STEEP1: variants seen among roughly 807,000 people sequenced by gnomAD.
The protein encoded by STEEP1 is STING1 ER exit protein 1, also known as STING ER exit protein.
A neutral mutation model predicts 19.2 loss-of-function variants in STEEP1; 3 were observed. The observed-to-expected ratio is 0.16, with a 90% CI of 0.07 to 0.40. The LOEUF (loss-of-function observed/expected upper bound fraction) is 0.40. STEEP1 is among the 10% of genes least tolerant of loss of function. The pLI, the probability that STEEP1 is intolerant of heterozygous loss-of-function variation, is 0.99. For missense variants in STEEP1, 54 were observed against 177.1 expected (o/e 0.30, Z 3.94); for synonymous variants, 46 against 63.7 (o/e 0.72, Z 1.32).
chrX:119,539,556 C>A lies in STEEP1; in HGVS notation c.*171G>T, dbSNP rs757235656. On this transcript the variant is annotated 3_prime_UTR_variant, in exon 7 of 7. Transcript: ENST00000644802. ...AAAAAAAAAAAAAAAAAAAAGAAAGCAAGTTAAATGGACTCAGTTAAAGAC... is the reference window on the plus strand; with the variant it reads ...AAAAAAAAAAAAAAAAAAAAGAAAGAAAGTTAAATGGACTCAGTTAAAGAC... 1.3e-3 allele frequency: 461 copies of A among 345,401 alleles called. 2 individuals carry two copies. Among genetic ancestry groups the A allele is most frequent in the African/African-American group, 0.012 (411 of 35,675 alleles). The allele number at this position is 345,401 out of a possible 1,213,427, so 28.5% of individuals were successfully genotyped here. A position where few individuals can be genotyped will look rare whatever the true frequency, so the allele number is the denominator to read the frequency against.
At chrX:119,540,816 C>T (rs1399330564) in intron 6 of STEEP1, among the ~76,000 whole-genome samples, 3 of 111,951 alleles carry the variant, frequency 2.7e-5, no homozygotes, top group East Asian at 5.6e-4. Flanking sequence ...GAGCCCGAGG[C>T]GGGCAGATCA....
intron 2 of STEEP1, among the ~76,000 whole-genome samples, chrX:119,549,225 C>T (rs1187728716): frequency 8.9e-6 from 1 of 111,971 alleles, no homozygotes; most frequent in East Asian, 2.8e-4. Context: ...TCACTACCTA[C>T]ACACACAAAG....
At chrX:119,552,682 A>G (rs1057405788) in intron 2 of STEEP1, among the ~76,000 whole-genome samples, 1 of 112,098 alleles carries the variant, frequency 8.9e-6, no homozygotes, top group Non-Finnish European at 1.9e-5. Flanking sequence ...ATTGGACAAA[A>G]AGCACATTAT....
chrX:119,541,314 C>CA lies in STEEP1; in HGVS notation c.606+13_606+14insT. On this transcript the variant is annotated intron_variant, in intron 6 of 6. Transcript: ENST00000644802. ...TGATAGGGCCCCAGCACCTTGCTAC[C>CA]CCTTGCTACTCACCAGCTCTTGCAG... 1 of 1,060,000 alleles carries CA rather than the reference C, an allele frequency of 9.4e-7. No individual in the cohort carries two copies. The highest frequency in any genetic ancestry group is 1.3e-6 in the Non-Finnish European group (1 of 758,711). 87.4% of individuals were successfully genotyped at this position (1,060,000 alleles called of 1,213,427 possible). A position where few individuals can be genotyped will look rare whatever the true frequency, so the allele number is the denominator to read the frequency against.
intron 5 of STEEP1, among the ~76,000 whole-genome samples, 188 bp downstream of exon 5, chrX:119,542,317 C>T (rs1450485059): frequency 9.1e-6 from 1 of 110,256 alleles, no homozygotes; most frequent in African/African-American, 3.3e-5. Flanking sequence ...CCGCCCGTCT[C>T]GGTCTCCCAA....
At chrX:119,543,958 C>T (rs1238577433) in intron 4 of STEEP1, among the ~76,000 whole-genome samples, 1 of 111,847 alleles carries the variant, frequency 8.9e-6, no homozygotes. Flanking sequence ...AGAGAGAACA[C>T]ATAACAGGTG....
At chrX:119,551,945 A>T (rs923375854) in intron 2 of STEEP1, among the ~76,000 whole-genome samples, 8 of 105,426 alleles carry the variant, frequency 7.6e-5, no homozygotes, top group Non-Finnish European at 1.6e-4. Context: ...TCTGTGACCC[A>T]GATTGGAGTG....
intron 2 of STEEP1, among the ~76,000 whole-genome samples, chrX:119,557,078 C>T (rs2053283856): frequency 1.0e-5 from 1 of 99,299 alleles, no homozygotes; most frequent in African/African-American, 3.7e-5. Context: ...ATCACTTGAA[C>T]CCAGGAGGCA....
intron 2 of STEEP1, among the ~76,000 whole-genome samples, chrX:119,545,798 CAGG>C (rs1380189930): frequency 9.4e-6 from 1 of 106,880 alleles, no homozygotes; most frequent in African/African-American, 3.5e-5. Flanking sequence ...GAGGCTGAGG[CAGG>C]AGAATTGCTT....
intron 2 of STEEP1, among the ~76,000 whole-genome samples, chrX:119,558,743 A>G (rs2053300410): frequency 9.1e-6 from 1 of 109,818 alleles, no homozygotes; most frequent in South Asian, 3.8e-4. Context: ...ACTCTCTCCT[A>G]TTTTCTGCAT....
rs539844322 is a variant in STEEP1 at position 119,550,277 on chromosome X, C to G, written c.243-4773G>C. On this transcript the variant is annotated intron_variant, in intron 2 of 6. Coordinates refer to ENST00000644802, the MANE Select transcript of STEEP1 (RefSeq NM_022101.4). ...CAAAGCAATCTTGAAAAAACAAGAA[C>G]AAAGTTGGAGAACTCACACTTCCCA... is the stretch of plus-strand genomic sequence containing the variant. Among the ~76,000 whole-genome samples the G allele has an allele frequency of 5.4e-5, 6 of 111,756 alleles. No homozygotes were observed. The South Asian group carries it at 1.5e-3, about 28-fold the overall frequency.
At chrX:119,540,462 A>G (rs2053155386) in intron 6 of STEEP1, among the ~76,000 whole-genome samples, 1 of 111,687 alleles carries the variant, frequency 9.0e-6, no homozygotes, top group South Asian at 3.7e-4. Flanking sequence ...CTACAGACAC[A>G]AAGAGACTGG....
At chrX:119,547,937 C>T (rs1028742643) in intron 2 of STEEP1, among the ~76,000 whole-genome samples, 2 of 110,745 alleles carry the variant, frequency 1.8e-5, no homozygotes, top group Admixed American at 9.7e-5. Flanking sequence ...TTTGGGAGGC[C>T]GAGGCGGGCA....
chrX:119,551,780 T>G (rs765773056), intron 2 of STEEP1, among the ~76,000 whole-genome samples: 55 of 110,829 alleles, frequency 5.0e-4, no homozygotes, highest in African/African-American at 1.7e-3. Flanking sequence ...CAGCTAGGTG[T>G]CCTCCAATTC....
chrX:119,561,708 A>G (rs2053322143), intron 1 of STEEP1, among the ~76,000 whole-genome samples: 1 of 111,593 alleles, frequency 9.0e-6, no homozygotes, highest in African/African-American at 3.3e-5. Context: ...AAATTTATAT[A>G]ATGCAAATTA....
At chrX:119,562,283 GC>G (rs1424500583) in intron 1 of STEEP1, among the ~76,000 whole-genome samples, 1 of 111,599 alleles carries the variant, frequency 9.0e-6, no homozygotes, top group Non-Finnish European at 1.9e-5. Context: ...TGTAATCCCA[GC>G]ACTTTGGGAG....
At position 119,538,490 on chromosome X, in the gene STEEP1, G is replaced by A. The variant is rs962982181; in HGVS notation, c.*1237C>T. 9.9e-6 allele frequency: 1 copy of A among 101,100 alleles called. No individual in the cohort carries two copies. Among genetic ancestry groups the A allele is most frequent in the Non-Finnish European group, 2.0e-5 (1 of 50,179 alleles). 8.3% of individuals were successfully genotyped at this position (101,100 alleles called of 1,213,427 possible). A position where few individuals can be genotyped will look rare whatever the true frequency, so the allele number is the denominator to read the frequency against. Reference sequence around the variant, plus strand: ...GCCCAGGCTGGAGTGCTGGAGTACAGTGGTGCAATCTCAGCTCACTGCAAC... The same window carrying A: ...GCCCAGGCTGGAGTGCTGGAGTACAATGGTGCAATCTCAGCTCACTGCAAC... On this transcript the variant is annotated 3_prime_UTR_variant, in exon 7 of 7. Transcript: ENST00000644802.
chrX:119,539,809 A>AT lies in STEEP1; in HGVS notation c.607-21dup. 8.8e-7 allele frequency: 1 copy of AT among 1,134,761 alleles called. No homozygotes were observed. The highest frequency in any genetic ancestry group is 1.2e-6 in the Non-Finnish European group (1 of 828,338). 93.5% of individuals were successfully genotyped at this position (1,134,761 alleles called of 1,213,427 possible). A position where few individuals can be genotyped will look rare whatever the true frequency, so the allele number is the denominator to read the frequency against. ...TTCAGCCTAGAAAGAAAAAAAAAGCATATGTCTTGATACATGACATGAAAT... is the reference window on the plus strand; with the variant it reads ...TTCAGCCTAGAAAGAAAAAAAAAGCATTATGTCTTGATACATGACATGAAAT... On this transcript the variant is annotated intron_variant, in intron 6 of 6. Transcript: ENST00000644802.
At position 119,564,983 on chromosome X, in the gene STEEP1, T is replaced by A. The variant is rs148584645; in HGVS notation, c.124+249A>T. 2,295 of 281,373 alleles carry A rather than the reference T, an allele frequency of 8.2e-3. 43 individuals carry two copies. Among genetic ancestry groups the A allele is most frequent in the African/African-American group, 0.056 (2,069 of 36,649 alleles). The allele number at this position is 281,373 out of a possible 1,213,427, so 23.2% of individuals were successfully genotyped here. A position where few individuals can be genotyped will look rare whatever the true frequency, so the allele number is the denominator to read the frequency against. On this transcript the variant is annotated intron_variant, in intron 1 of 6. Transcript: ENST00000644802. The stretch of plus-strand genomic sequence containing the variant: ...AAATACAATATGTTTGTGTTTCTAT[T>A]TTTGTTCTCCTGAAGGAGTTTAGTT...
Sources: allele counts gnomAD v4.1 joint callset (sites outside exome capture counted in the v4.1 genomes callset), GRCh38; gene constraint gnomAD v4.1.1; transcripts MANE v1.5; gene names NCBI Gene and HGNC (gene_info 2026-07-23, HGNC 2026-07-21).